Variants in VSTM4 observed in about 807,000 individuals in gnomAD.
VSTM4 encodes the protein V-set and transmembrane domain containing 4, also known as V-set and transmembrane domain-containing protein 4.
A neutral mutation model predicts 36.4 loss-of-function variants in VSTM4; 20 were observed. That is an observed-to-expected ratio of 0.55 (90% confidence interval 0.39 to 0.80). The LOEUF is 0.80. Among genes scored for constraint, VSTM4 ranks in the 30% least tolerant of loss-of-function variants. VSTM4 has a pLI of 0.00. For missense variants in VSTM4, 392 were observed against 404.5 expected, an observed-to-expected ratio of 0.97 and a Z score of 0.26; for synonymous variants, 182 against 173.9, an observed-to-expected ratio of 1.05 and a Z score of -0.37.
intron 1 of VSTM4, among the ~76,000 whole-genome samples, chr10:49,110,165 C>A (rs1487612588): frequency 6.6e-6 from 1 of 152,226 alleles, no homozygotes. Context: ...CTGAGGAAGG[C>A]AGGAAATTGA....
intron 3 of VSTM4, among the ~76,000 whole-genome samples, chr10:49,079,722 C>T (rs974819186): frequency 6.6e-6 from 1 of 152,098 alleles, no homozygotes; most frequent in Non-Finnish European, 1.5e-5. Flanking sequence ...CCCAGCCCAG[C>T]CTGGGGAGGC....
At chr10:49,068,826 C>T (rs1762227693) in intron 4 of VSTM4, among the ~76,000 whole-genome samples, 1 of 152,120 alleles carries the variant, frequency 6.6e-6, no homozygotes, top group African/African-American at 2.4e-5. Flanking sequence ...GTAATGGAGC[C>T]AATACACCCC....
intron 2 of VSTM4, among the ~76,000 whole-genome samples, chr10:49,093,144 T>G (rs1844508500): frequency 6.6e-6 from 1 of 152,030 alleles, no homozygotes; most frequent in Non-Finnish European, 1.5e-5. Flanking sequence ...TGAGACTAGG[T>G]GGAGGGTCTT....
intron 3 of VSTM4, among the ~76,000 whole-genome samples, chr10:49,078,775 C>T (rs1042924740): frequency 2.0e-5 from 3 of 152,128 alleles, no homozygotes; most frequent in African/African-American, 7.2e-5. Flanking sequence ...TTGCAAAATG[C>T]TATCATTGGG....
chr10:49,064,828 G>T, intron 4 of VSTM4, 92 bp from the exon 5 acceptor site: 1 of 1,393,596 alleles, frequency 7.2e-7, no homozygotes, highest in Non-Finnish European at 1.0e-6. Flanking sequence ...GGAGCCAGGT[G>T]TTGTTCAGGT....
chr10:49,076,574 G>T (rs939412268), intron 4 of VSTM4, among the ~76,000 whole-genome samples: 4 of 152,196 alleles, frequency 2.6e-5, no homozygotes, highest in Non-Finnish European at 5.9e-5. Flanking sequence ...GGAGCTGCTG[G>T]GCAAGTGAAA....
At chr10:49,103,428 A>C in intron 2 of VSTM4, 12 of 709,300 alleles carry the variant, frequency 1.7e-5, no homozygotes, top group South Asian at 6.1e-5. Context: ...TAAGTTGAGT[A>C]GAGATATGGT....
intron 7 of VSTM4, among the ~76,000 whole-genome samples, chr10:49,046,343 C>G (rs1358128545): frequency 2.0e-5 from 3 of 152,218 alleles, no homozygotes; most frequent in Non-Finnish European, 4.4e-5. Context: ...GCCTGCAAAT[C>G]TGTCTTGGAT....
At chr10:49,031,695 G>A (rs950106964) in intron 7 of VSTM4, among the ~76,000 whole-genome samples, 3 of 152,176 alleles carry the variant, frequency 2.0e-5, no homozygotes, top group Non-Finnish European at 4.4e-5. Context: ...TCACTGCCCT[G>A]CACACAGTTC....
intron 2 of VSTM4, among the ~76,000 whole-genome samples, chr10:49,086,303 A>C (rs1844369886): frequency 6.6e-6 from 1 of 152,214 alleles, no homozygotes; most frequent in Non-Finnish European, 1.5e-5. Flanking sequence ...AAAAATAAGA[A>C]GTTCCCAGTG....
At chr10:49,035,926 T>C (rs888481119) in intron 7 of VSTM4, among the ~76,000 whole-genome samples, 2 of 152,200 alleles carry the variant, frequency 1.3e-5, no homozygotes, top group African/African-American at 2.4e-5. Context: ...TGAATTTCTA[T>C]TGGTCTCTGA....
intron 7 of VSTM4, among the ~76,000 whole-genome samples, chr10:49,033,896 C>A (rs1843384624): frequency 6.6e-6 from 1 of 152,028 alleles, no homozygotes; most frequent in African/African-American, 2.4e-5. Context: ...ATTACCACCG[C>A]CATCACCACC....
chr10:49,069,125 C>T (rs1410153926), intron 4 of VSTM4, among the ~76,000 whole-genome samples: 1 of 152,126 alleles, frequency 6.6e-6, no homozygotes, highest in Non-Finnish European at 1.5e-5. Flanking sequence ...CTCTGTCTTC[C>T]CCATCTAGAC....
chr10:49,044,413 GAGAA>G (rs563543881), intron 7 of VSTM4, among the ~76,000 whole-genome samples: 27 of 122,944 alleles, frequency 2.2e-4, no homozygotes, highest in East Asian at 1.4e-3. Context: ...AAAAGAAAGA[GAGAA>G]AGAAAGAAAA....
intron 7 of VSTM4, among the ~76,000 whole-genome samples, chr10:49,021,004 G>C (rs562336247): frequency 2.0e-5 from 3 of 151,888 alleles, no homozygotes; most frequent in Non-Finnish European, 4.4e-5. Flanking sequence ...TGCTAGAAAG[G>C]TACTTAATAC....
intron 7 of VSTM4, among the ~76,000 whole-genome samples, chr10:49,020,511 A>T (rs1009383874): frequency 1.2e-4 from 18 of 151,852 alleles, no homozygotes; most frequent in Non-Finnish European, 2.1e-4. Flanking sequence ...AGTGAATAAA[A>T]TAAAAAATAA....
chr10:49,098,736 G>A (rs977516960), intron 2 of VSTM4, among the ~76,000 whole-genome samples: 6 of 152,150 alleles, frequency 3.9e-5, no homozygotes, highest in South Asian at 4.1e-4. Context: ...GGGACCCTGC[G>A]GTGTGTTCCC....
At chr10:49,102,390 T>C in intron 2 of VSTM4, 1 of 984,978 alleles carries the variant, frequency 1.0e-6, no homozygotes, top group Non-Finnish European at 1.2e-6. Context: ...CACCTCGGCC[T>C]CCCAAAGTGC....
At chr10:49,105,063 G>A (rs1235525440) in intron 2 of VSTM4, among the ~76,000 whole-genome samples, 1 of 149,666 alleles carries the variant, frequency 6.7e-6, no homozygotes, top group Non-Finnish European at 1.5e-5. Context: ...CAGAGAGAGA[G>A]GGAGAGACAG....
Sources: allele counts gnomAD v4.1 joint callset (sites outside exome capture counted in the v4.1 genomes callset), GRCh38; gene constraint gnomAD v4.1.1; transcripts MANE v1.5; gene names NCBI Gene and HGNC (gene_info 2026-07-23, HGNC 2026-07-21).